ARHGAP24: variants seen among roughly 807,000 people sequenced by gnomAD.
ARHGAP24 encodes the protein Rho GTPase activating protein 24.
In ARHGAP24, 50 loss-of-function variants were observed where a neutral mutation model predicts 76.4. The observed-to-expected ratio is 0.65, with a 90% confidence interval of 0.52 to 0.83. ARHGAP24 has a LOEUF of 0.83. ARHGAP24 is among the 40% of genes least tolerant of loss of function. The pLI, the probability that ARHGAP24 is intolerant of heterozygous loss-of-function variation, is 0.00. For synonymous variants in ARHGAP24, 345 were observed against 323.3 expected (o/e 1.07, Z -0.72); for missense variants, 930 against 914.2 (o/e 1.02, Z -0.22).
At chr4:85,982,340 G>A (rs1370017020) in intron 8 of ARHGAP24, among the ~76,000 whole-genome samples, 4 of 127,826 alleles carry the variant, frequency 3.1e-5, no homozygotes, top group African/African-American at 8.8e-5. Flanking sequence ...ACCAATAATT[G>A]TGTAAGGGAT....
chr4:85,802,563 G>A (rs562863608), intron 3 of ARHGAP24, among the ~76,000 whole-genome samples: 7 of 152,338 alleles, frequency 4.6e-5, no homozygotes, highest in South Asian at 4.1e-4. Flanking sequence ...AGACCAAGGC[G>A]GGTGGATCAC....
At chr4:85,646,328 A>G (rs992704692) in intron 2 of ARHGAP24, among the ~76,000 whole-genome samples, 2 of 152,018 alleles carry the variant, frequency 1.3e-5, no homozygotes, top group African/African-American at 4.8e-5. Context: ...TCATCATTAT[A>G]AAGGAATTAC....
chr4:85,931,247 G>A (rs1434541427), intron 4 of ARHGAP24, among the ~76,000 whole-genome samples: 1 of 152,024 alleles, frequency 6.6e-6, no homozygotes, highest in Non-Finnish European at 1.5e-5. Flanking sequence ...GTGAATAGGT[G>A]GGGTAGGTGG....
chr4:85,582,897 C>T (rs1234712045), intron 2 of ARHGAP24, among the ~76,000 whole-genome samples: 3 of 151,986 alleles, frequency 2.0e-5, no homozygotes, highest in African/African-American at 7.2e-5. Flanking sequence ...GTTTATGTGT[C>T]TCTGATTACT....
At chr4:85,769,753 A>G (rs1727062958) in intron 3 of ARHGAP24, among the ~76,000 whole-genome samples, 1 of 151,698 alleles carries the variant, frequency 6.6e-6, no homozygotes, top group Non-Finnish European at 1.5e-5. Flanking sequence ...ACGCCCAGCT[A>G]ATTTTTTGTA....
intron 3 of ARHGAP24, among the ~76,000 whole-genome samples, chr4:85,898,767 G>A (rs1734335007): frequency 6.6e-6 from 1 of 151,548 alleles, no homozygotes; most frequent in African/African-American, 2.4e-5. Context: ...CTTTTTTTGA[G>A]GAGTTTTGCT....
chr4:85,896,317 TC>T (rs1335134405), intron 3 of ARHGAP24, among the ~76,000 whole-genome samples: 1 of 152,206 alleles, frequency 6.6e-6, no homozygotes, highest in Non-Finnish European at 1.5e-5. Context: ...TACTATATTA[TC>T]TTAAAAGATT....
At chr4:85,750,298 T>C (rs1404820867) in intron 3 of ARHGAP24, among the ~76,000 whole-genome samples, 5 of 152,008 alleles carry the variant, frequency 3.3e-5, no homozygotes, top group Non-Finnish European at 7.4e-5. Flanking sequence ...TTTCTAAATA[T>C]CTATTCAGCA....
chr4:85,817,497 G>A (rs1032485973), intron 3 of ARHGAP24, among the ~76,000 whole-genome samples: 1 of 152,126 alleles, frequency 6.6e-6, no homozygotes, highest in African/African-American at 2.4e-5. Flanking sequence ...TTGTGCCCAT[G>A]ATATCCTTAA....
chr4:85,692,196 A>G (rs1168246846), intron 2 of ARHGAP24, among the ~76,000 whole-genome samples: 2 of 152,170 alleles, frequency 1.3e-5, no homozygotes, highest in Non-Finnish European at 2.9e-5. Context: ...TGAAGAGTCC[A>G]CTGCTAGCCT....
intron 2 of ARHGAP24, among the ~76,000 whole-genome samples, chr4:85,574,891 C>T (rs1328742658): frequency 2.0e-5 from 3 of 152,182 alleles, no homozygotes; most frequent in Non-Finnish European, 4.4e-5. Context: ...AAATATTCAA[C>T]AACCTGCCCA....
intron 3 of ARHGAP24, among the ~76,000 whole-genome samples, chr4:85,726,259 C>T (rs1725161838): frequency 6.6e-6 from 1 of 152,024 alleles, no homozygotes. Context: ...ACCTTAGCTG[C>T]AGTTCCTGGA....
rs528774796 is a variant in ARHGAP24, at chr4:85,742,165, A to G, written c.268+20193A>G. On this transcript the variant is annotated intron_variant, in intron 3 of 9. Transcript: ENST00000395184. ...CACTGTTTGGCAGGATTTGGCCACCATGGCACAGAGTGGGCAATTGTCCTC... is the reference window on the plus strand; with the variant it reads ...CACTGTTTGGCAGGATTTGGCCACCGTGGCACAGAGTGGGCAATTGTCCTC... Among the ~76,000 whole-genome samples, 6 of 152,334 alleles carry G rather than the reference A, an allele frequency of 3.9e-5. No homozygotes were observed. In the South Asian group the frequency reaches 1.2e-3, roughly 32 times the overall value.
chr4:85,895,927 A>G (rs1318791655), intron 3 of ARHGAP24, among the ~76,000 whole-genome samples: 1 of 152,202 alleles, frequency 6.6e-6, no homozygotes, highest in African/African-American at 2.4e-5. Context: ...TCTCTGTTTC[A>G]GAGGTTGTTT....
intron 1 of ARHGAP24, among the ~76,000 whole-genome samples, chr4:85,476,085 A>G (rs1004618039): frequency 1.3e-5 from 2 of 148,684 alleles, no homozygotes; most frequent in African/African-American, 4.9e-5. Flanking sequence ...AGAAATATAT[A>G]TTATAAAATA....
intron 3 of ARHGAP24, among the ~76,000 whole-genome samples, chr4:85,906,721 A>C (rs1734785271): frequency 6.6e-6 from 1 of 152,190 alleles, no homozygotes; most frequent in Non-Finnish European, 1.5e-5. Flanking sequence ...AGATTTTTTT[A>C]AATAATCATA....
intron 3 of ARHGAP24, among the ~76,000 whole-genome samples, chr4:85,748,013 T>C (rs1400497715): frequency 6.6e-6 from 1 of 152,230 alleles, no homozygotes; most frequent in Admixed American, 6.5e-5. Flanking sequence ...GCCTAGATTG[T>C]TTGGCTGTGT....
At chr4:85,757,725 T>C (rs1726567307) in intron 3 of ARHGAP24, among the ~76,000 whole-genome samples, 1 of 152,206 alleles carries the variant, frequency 6.6e-6, no homozygotes, top group African/African-American at 2.4e-5. Context: ...CCTTTGGGTA[T>C]ATACCCAGTA....
chr4:85,958,573 T>G (rs1024396029), intron 5 of ARHGAP24, among the ~76,000 whole-genome samples: 3 of 152,186 alleles, frequency 2.0e-5, no homozygotes, highest in Non-Finnish European at 4.4e-5. Flanking sequence ...AGATTTTATA[T>G]TATGAAAGTG....
Sources: gnomAD v4.1 joint callset for allele counts (sites outside exome capture counted in the v4.1 genomes callset) on GRCh38, gnomAD v4.1.1 for gene constraint, MANE v1.5 for transcripts, NCBI Gene and HGNC (gene_info 2026-07-23, HGNC 2026-07-21) for gene names.